TGFBRAP1: variants seen among roughly 807,000 people sequenced by gnomAD.
TGFBRAP1 encodes the protein transforming growth factor beta receptor associated protein 1.
TGFBRAP1 carries 20 observed loss-of-function variants against 83.2 expected under a neutral mutation model. The observed-to-expected ratio is 0.24, with a 90% CI of 0.17 to 0.35. The LOEUF (loss-of-function observed/expected upper bound fraction) is 0.35, where lower values mean the gene tolerates loss of function less well. TGFBRAP1 is among the 10% of genes least tolerant of loss of function. The probability of loss-of-function intolerance (pLI) is 1.00; values close to 1 mark genes in which losing one functional copy is unlikely to be tolerated. For missense variants in TGFBRAP1, 950 were observed against 1,099.4 expected (o/e 0.86, Z 1.92); for synonymous variants, 415 against 459.8 (o/e 0.90, Z 1.25).
intron 6 of TGFBRAP1, among the ~76,000 whole-genome samples, 171 bp from the exon 7 acceptor site, chr2:105,277,842 C>T (rs535334364): frequency 5.0e-4 from 76 of 152,180 alleles, no homozygotes; most frequent in African/African-American, 1.7e-3. Flanking sequence ...TGGCTTGAGC[C>T]CAGGAGTTTG....
intron 9 of TGFBRAP1, 112 bp downstream of exon 9, chr2:105,273,432 G>A (rs1043910812): frequency 2.2e-5 from 32 of 1,431,628 alleles, no homozygotes; most frequent in East Asian, 1.4e-4. Context: ...CAACAAGTAC[G>A]GATGGATCAC....
chr2:105,261,348 G>C (rs544305068), downstream of TGFBRAP1, among the ~76,000 whole-genome samples: 1 of 152,114 alleles, frequency 6.6e-6, no homozygotes, highest in South Asian at 2.1e-4. Context: ...CCCCAGCTTC[G>C]TTGCACACAC....
chr2:105,273,478 A>C lies in TGFBRAP1; in HGVS notation c.1812+66T>G, dbSNP rs368308803. On this transcript the variant is annotated intron_variant, in intron 9 of 11. Transcript: ENST00000393359. The stretch of plus-strand genomic sequence containing the variant: ...GACATTACACAGAATCACATGCCAA[A>C]AAGTGTTCTAGTTCAATTCCGTCTC... The C allele has an allele frequency of 8.8e-6, 14 of 1,587,474 alleles. 1 individual carries two copies. The Middle Eastern group carries it at 5.1e-4, about 58-fold the overall frequency.
chr2:105,261,806 C>T (rs1676794115), downstream of TGFBRAP1, among the ~76,000 whole-genome samples: 1 of 152,058 alleles, frequency 6.6e-6, no homozygotes, highest in African/African-American at 2.4e-5. Flanking sequence ...GGAAAAGGGG[C>T]AACTGAAAAC....
the TGFBRAP1 span, among the ~76,000 whole-genome samples, chr2:105,254,611 CT>C: frequency 6.6e-6 from 1 of 151,448 alleles, no homozygotes; most frequent in African/African-American, 2.4e-5. Context: ...TCAAGAAACC[CT>C]TTGAACAAGC....
Position 105,280,392 on chromosome 2 carries a change from T to C in TGFBRAP1, c.1453A>G (p.Lys485Glu). The C allele has an allele frequency of 6.2e-7, 1 of 1,613,372 alleles. No individual in the cohort carries two copies. The highest frequency in any genetic ancestry group is 8.5e-7 in the Non-Finnish European group (1 of 1,179,724). The change falls in exon 6 of 12, where the codon AAG becomes GAG. Residue 485 changes from lysine (K) to glutamate (E), a missense_variant. Physicochemically the swap from Lys to Glu is moderately conservative, Grantham distance 56. Transcript: ENST00000393359. ...LLTDSAAWLE[K>E]HKKYFALGLL... is the part of the protein sequence containing the mutation. ...GAAGGGAACACTCACTTTTTGTGCTTCTCTAGCCAGGCAGCACTGTCCGTC... is the reference window on the plus strand; with the variant it reads ...GAAGGGAACACTCACTTTTTGTGCTCCTCTAGCCAGGCAGCACTGTCCGTC...
chr2:105,260,583 G>A (rs537957349), downstream of TGFBRAP1, among the ~76,000 whole-genome samples: 1 of 152,294 alleles, frequency 6.6e-6, no homozygotes, highest in African/African-American at 2.4e-5. Context: ...GGGTGTCAGG[G>A]GCTGGGGAGG....
intron 1 of TGFBRAP1, among the ~76,000 whole-genome samples, chr2:105,319,795 C>CAT (rs1679001739): frequency 6.7e-6 from 1 of 148,440 alleles, no homozygotes; most frequent in African/African-American, 2.5e-5. Flanking sequence ...ATATGTTTAA[C>CAT]ATATATAGGT....
rs1310902732 is a variant in TGFBRAP1 at position 105,269,415 on chromosome 2, G to A, written c.2263C>T (p.Gln755Ter). The A allele has an allele frequency of 6.2e-7, 1 of 1,613,894 alleles. No homozygotes were observed. The highest frequency in any genetic ancestry group is 1.7e-5 in the Admixed American group (1 of 60,000). The change falls in exon 11 of 12, where the codon CAG (glutamine) becomes TAG (stop). Residue 755 changes from glutamine (Q) to a stop codon, truncating the protein, a stop_gained. Coordinates refer to ENST00000393359, the MANE Select transcript of TGFBRAP1 (RefSeq NM_004257.6). LOFTEE classifies it high-confidence loss of function. This position sits in a 1 kb window ranked among gnomAD's most constrained non-coding sequence, Gnocchi z 4.1. ...ATEFDAAQVL[Q>*]MLPDTWSVQL... Reference sequence around the variant, plus strand: ...ACTGACCAGGTGTCAGGCAGCATCTGCAGCACCTGGGCTGCATCAAATTCG... The same window carrying A: ...ACTGACCAGGTGTCAGGCAGCATCTACAGCACCTGGGCTGCATCAAATTCG...
intron 5 of TGFBRAP1, 149 bp from the exon 6 acceptor site, chr2:105,280,872 T>A: frequency 1.1e-6 from 1 of 895,008 alleles, no homozygotes; most frequent in African/African-American, 1.7e-5. Flanking sequence ...GAGCAACCGT[T>A]CTAATCTGAA....
intron 1 of TGFBRAP1, among the ~76,000 whole-genome samples, chr2:105,316,979 C>A (rs188232026): frequency 5.9e-5 from 9 of 152,060 alleles, no homozygotes; most frequent in Admixed American, 5.2e-4. Context: ...CAACTGGGTG[C>A]CCAGAAACAG....
At chr2:105,326,651 G>A (rs1679233274) in intron 1 of TGFBRAP1, among the ~76,000 whole-genome samples, 1 of 152,104 alleles carries the variant, frequency 6.6e-6, no homozygotes, top group Non-Finnish European at 1.5e-5. Context: ...CCTGGAAGAT[G>A]GAGGTTGCAG....
intron 4 of TGFBRAP1, among the ~76,000 whole-genome samples, chr2:105,295,809 C>CAAAA (rs368369527): frequency 5.3e-5 from 4 of 74,962 alleles, no homozygotes; most frequent in South Asian, 5.3e-4. Context: ...GACTCCATCT[C>CAAAA]AAAAAAAAAA....
chr2:105,316,420 AGTGTGTGTGT>A lies in TGFBRAP1; in HGVS notation c.-17-8112_-17-8103del, dbSNP rs71393002. Among the ~76,000 whole-genome samples, 567 of 109,122 alleles carry A rather than the reference AGTGTGTGTGT, an allele frequency of 5.2e-3. 9 individuals carry two copies. The highest frequency in any genetic ancestry group is 0.017 in the African/African-American group (484 of 27,704). 71.6% of individuals were successfully genotyped at this position (109,122 alleles called of 152,430 possible). On this transcript the variant is annotated intron_variant, in intron 1 of 11. Coordinates refer to ENST00000393359, the MANE Select transcript of TGFBRAP1 (RefSeq NM_004257.6). Reference sequence around the variant, plus strand: ...AATACAAACTCTTACAGGTATAGGGAGTGTGTGTGTGTGTGTGTGTGTGTGTGTGTGTGTG... The same window carrying A: ...AATACAAACTCTTACAGGTATAGGGAGTGTGTGTGTGTGTGTGTGTGTGTG...
In TGFBRAP1 at chr2:105,308,197, C is replaced by T. The variant is rs745366544; in HGVS notation, c.105G>A (p.Arg35=). Residue 35 remains arginine, a synonymous_variant, in exon 2 of 12, where the codon AGG becomes AGA. Coordinates refer to ENST00000393359, the MANE Select transcript of TGFBRAP1 (RefSeq NM_004257.6). ...AGTCGTTGGTGCCCACGTAGAGGTC[C>T]CTGCCGCAGCACTCCACGCACTCTA... The part of the protein sequence containing the change: ...VNIECVECCG[R]DLYVGTNDCF... 6.2e-7 allele frequency: 1 copy of T among 1,614,224 alleles called. No individual in the cohort carries two copies. Among genetic ancestry groups the T allele is most frequent in the Non-Finnish European group, 8.5e-7 (1 of 1,180,038 alleles).
intron 2 of TGFBRAP1, among the ~76,000 whole-genome samples, chr2:105,301,833 G>A (rs1182048859): frequency 6.6e-6 from 1 of 151,862 alleles, no homozygotes; most frequent in Non-Finnish European, 1.5e-5. Flanking sequence ...CCAACTCCTG[G>A]GCTCAAGCGG....
chr2:105,306,061 G>GTGT (rs1678486102), intron 2 of TGFBRAP1, among the ~76,000 whole-genome samples: 2 of 74,898 alleles, frequency 2.7e-5, no homozygotes. Context: ...TTTGTTTTTT[G>GTGT]TTTTTTGTTT....
At chr2:105,251,521 G>C in the TGFBRAP1 span, among the ~76,000 whole-genome samples, 1 of 150,464 alleles carries the variant, frequency 6.6e-6, no homozygotes, top group East Asian at 2.0e-4. Flanking sequence ...GGGAGGTGGG[G>C]GGGGATCAGC....
intron 6 of TGFBRAP1, 81 bp from the exon 7 acceptor site, chr2:105,277,752 C>T: frequency 7.9e-7 from 1 of 1,268,040 alleles, no homozygotes; most frequent in African/African-American, 1.5e-5. Context: ...ACCCCCAGTC[C>T]AAGCTCCCCA....
Sources: gnomAD v4.1 joint callset for allele counts (sites outside exome capture counted in the v4.1 genomes callset) on GRCh38, gnomAD v4.1.1 for gene constraint, Gnocchi (gnomAD v3.1) non-coding constraint, MANE v1.5 for transcripts, NCBI Gene and HGNC (gene_info 2026-07-23, HGNC 2026-07-21) for gene names.